NEK11: variants seen among roughly 807,000 people sequenced by gnomAD.
The protein encoded by NEK11 is serine/threonine-protein kinase Nek11.
A neutral mutation model predicts 80.7 loss-of-function variants in NEK11; 72 were observed. That is an observed-to-expected ratio of 0.89 (90% CI 0.74 to 1.08). The LOEUF (loss-of-function observed/expected upper bound fraction) is 1.08, where lower values mean the gene tolerates loss of function less well. NEK11 is among the 50% of genes least tolerant of loss of function. The pLI is 0.00. For missense variants in NEK11, 764 were observed against 763.6 expected (o/e 1.00, Z -0.01); for synonymous variants, 251 against 260.7 (o/e 0.96, Z 0.36).
intron 17 of NEK11, among the ~76,000 whole-genome samples, chr3:131,339,635 A>G (rs1264410621): frequency 6.6e-6 from 1 of 152,202 alleles, no homozygotes; most frequent in Non-Finnish European, 1.5e-5. Context: ...GGGACAAAGC[A>G]TTGTATTCTG....
intron 12 of NEK11, among the ~76,000 whole-genome samples, chr3:131,168,548 G>A (rs2092442698): frequency 1.3e-5 from 2 of 151,280 alleles, no homozygotes; most frequent in African/African-American, 2.4e-5. Flanking sequence ...AGTAGAGACG[G>A]GGTTTCACCG....
At chr3:131,119,254 T>G (rs1167746356) in intron 5 of NEK11, among the ~76,000 whole-genome samples, 1 of 152,218 alleles carries the variant, frequency 6.6e-6, no homozygotes, top group Non-Finnish European at 1.5e-5. Context: ...GAGCAGGTTG[T>G]TTAGTTTCCA....
chr3:131,269,531 G>C (rs2096136579), intron 16 of NEK11, among the ~76,000 whole-genome samples: 1 of 152,142 alleles, frequency 6.6e-6, no homozygotes, highest in Non-Finnish European at 1.5e-5. Flanking sequence ...GCCCCACCCT[G>C]CTTCAGCTCA....
At chr3:131,070,949 C>A (rs545609863) in intron 3 of NEK11, among the ~76,000 whole-genome samples, 1 of 152,206 alleles carries the variant, frequency 6.6e-6, no homozygotes, top group East Asian at 1.9e-4. Context: ...TCTTGTCCAG[C>A]TTTAAAATTC....
intron 9 of NEK11, among the ~76,000 whole-genome samples, chr3:131,154,045 G>A (rs957875684): frequency 6.6e-6 from 1 of 152,176 alleles, no homozygotes; most frequent in African/African-American, 2.4e-5. Flanking sequence ...TTGTGCCTTG[G>A]AGGTAGGTAC....
intron 15 of NEK11, among the ~76,000 whole-genome samples, chr3:131,239,983 A>G (rs2095496559): frequency 6.6e-6 from 1 of 152,198 alleles, no homozygotes; most frequent in South Asian, 2.1e-4. Context: ...CCTAACTTTC[A>G]AACAAAACCC....
At chr3:131,315,457 A>T (rs980265078) in intron 17 of NEK11, among the ~76,000 whole-genome samples, 1 of 140,720 alleles carries the variant, frequency 7.1e-6, no homozygotes, top group Non-Finnish European at 1.5e-5. Context: ...TTTAAAGCTG[A>T]ATAATATTCC....
At chr3:131,198,970 C>A (rs2094130846) in intron 14 of NEK11, among the ~76,000 whole-genome samples, 1 of 152,142 alleles carries the variant, frequency 6.6e-6, no homozygotes, top group African/African-American at 2.4e-5. Context: ...GAGGACAAGC[C>A]AGTATAGGCT....
intron 14 of NEK11, among the ~76,000 whole-genome samples, chr3:131,195,900 A>G (rs1310827923): frequency 1.2e-4 from 18 of 149,952 alleles, no homozygotes; most frequent in Admixed American, 8.6e-4. Context: ...GATAATTTTT[A>G]TACCCATTAA....
At chr3:131,232,150 A>T (rs2095342083) in intron 15 of NEK11, among the ~76,000 whole-genome samples, 1 of 152,144 alleles carries the variant, frequency 6.6e-6, no homozygotes, top group South Asian at 2.1e-4. Context: ...CATATTGTTG[A>T]TGGCTCCTCT....
intron 17 of NEK11, among the ~76,000 whole-genome samples, chr3:131,342,817 A>G (rs1222859248): frequency 6.6e-6 from 1 of 152,186 alleles, no homozygotes; most frequent in Non-Finnish European, 1.5e-5. Flanking sequence ...TAGAAAATTT[A>G]AGTATTTTAC....
At chr3:131,321,159 G>A (rs2096893479) in intron 17 of NEK11, among the ~76,000 whole-genome samples, 1 of 152,122 alleles carries the variant, frequency 6.6e-6, no homozygotes, top group Non-Finnish European at 1.5e-5. Flanking sequence ...CAGACACATA[G>A]ACCAATGGAA....
intron 5 of NEK11, among the ~76,000 whole-genome samples, chr3:131,127,747 A>C (rs187238914): frequency 1.1e-3 from 119 of 106,086 alleles, no homozygotes; most frequent in Non-Finnish European, 2.2e-3. Flanking sequence ...ATGTTAGATG[A>C]TATTACTTTT....
At chr3:131,212,047 CT>C (rs2094639465) in intron 14 of NEK11, among the ~76,000 whole-genome samples, 6 of 152,186 alleles carry the variant, frequency 3.9e-5, no homozygotes, top group Admixed American at 3.9e-4. Context: ...AAGAGGCGCT[CT>C]GGTTTTTAGA....
intron 17 of NEK11, among the ~76,000 whole-genome samples, chr3:131,323,608 A>ATGT (rs1285167685): frequency 6.6e-6 from 1 of 152,232 alleles, no homozygotes; most frequent in Non-Finnish European, 1.5e-5. Context: ...TTGTATGAAT[A>ATGT]TGTTTGAATG....
At chr3:131,226,802 A>G (rs969445521) in intron 14 of NEK11, among the ~76,000 whole-genome samples, 1 of 152,092 alleles carries the variant, frequency 6.6e-6, no homozygotes, top group African/African-American at 2.4e-5. Flanking sequence ...GTAACCAAAA[A>G]CCACTTGTAT....
chr3:131,133,172 A>G (rs1421584170), intron 6 of NEK11: 6 of 437,626 alleles, frequency 1.4e-5, no homozygotes, highest in South Asian at 3.3e-5. Context: ...TTTCTCATTT[A>G]TATTATTTCA....
At chr3:131,105,525 T>G (rs960332291) in intron 4 of NEK11, among the ~76,000 whole-genome samples, 1 of 152,180 alleles carries the variant, frequency 6.6e-6, no homozygotes, top group African/African-American at 2.4e-5. Flanking sequence ...GACTCACAGT[T>G]CCACATGGCT....
intron 15 of NEK11, among the ~76,000 whole-genome samples, chr3:131,236,809 C>T (rs2095438784): frequency 6.6e-6 from 1 of 152,218 alleles, no homozygotes; most frequent in Non-Finnish European, 1.5e-5. Flanking sequence ...CAGCTCTGTC[C>T]TATGGCTTTG....
Sources: allele counts gnomAD v4.1 joint callset (sites outside exome capture counted in the v4.1 genomes callset), GRCh38; gene constraint gnomAD v4.1.1; transcripts MANE v1.5; gene names NCBI Gene and HGNC (gene_info 2026-07-23, HGNC 2026-07-21).